Variants in DCDC2C observed in about 807,000 individuals in gnomAD.
The protein encoded by DCDC2C is doublecortin domain-containing protein 2C.
A neutral mutation model predicts 45.0 loss-of-function variants in DCDC2C; 44 were observed. The observed-to-expected ratio is 0.98, with a 90% CI of 0.77 to 1.26. The LOEUF (loss-of-function observed/expected upper bound fraction) is 1.26, where lower values mean the gene tolerates loss of function less well. Among genes scored for constraint, DCDC2C ranks in the 50% most tolerant of loss-of-function variants. The pLI, the probability that DCDC2C is intolerant of heterozygous loss-of-function variation, is 0.00. For missense variants in DCDC2C, 447 were observed against 468.9 expected, an observed-to-expected ratio of 0.95 and a Z score of 0.43; for synonymous variants, 187 against 178.8, an observed-to-expected ratio of 1.05 and a Z score of -0.37.
At chr2:3,825,948 A>G (rs893960960) in intron 10 of DCDC2C, among the ~76,000 whole-genome samples, 3 of 152,162 alleles carry the variant, frequency 2.0e-5, no homozygotes, top group Admixed American at 6.5e-5. Context: ...ACTCTTGTTT[A>G]TTGTTCAGAG....
chr2:3,844,925 C>T (rs1330053931), intron 10 of DCDC2C, among the ~76,000 whole-genome samples: 1 of 149,464 alleles, frequency 6.7e-6, no homozygotes, highest in Admixed American at 6.7e-5. Flanking sequence ...ACATGTTCTC[C>T]CTTTTTAAAA....
chr2:3,753,090 GTAT>G (rs1296042423), intron 5 of DCDC2C, among the ~76,000 whole-genome samples, 190 bp downstream of exon 5: 4 of 105,474 alleles, frequency 3.8e-5, no homozygotes, highest in African/African-American at 1.5e-4. Context: ...CTTGTATGAT[GTAT>G]TCACAAGGAC....
chr2:3,824,908 C>G (rs1435295512), intron 10 of DCDC2C, among the ~76,000 whole-genome samples: 1 of 152,116 alleles, frequency 6.6e-6, no homozygotes, highest in Non-Finnish European at 1.5e-5. Context: ...GAGGACCTAT[C>G]AAAATCTGGA....
intron 8 of DCDC2C, among the ~76,000 whole-genome samples, chr2:3,774,635 C>T (rs1670279698): frequency 6.6e-6 from 1 of 152,326 alleles, no homozygotes; most frequent in East Asian, 1.9e-4. Flanking sequence ...GTCTATGCCT[C>T]TCTTGTCCCT....
rs930281306 is a variant in DCDC2C at position 3,791,036 on chromosome 2, C to T, written c.1065+5936C>T. Among the ~76,000 whole-genome samples, 11 of 151,986 alleles carry T rather than the reference C, an allele frequency of 7.2e-5. No individual in the cohort carries two copies. In the East Asian group the frequency reaches 1.8e-3, roughly 24 times the overall value. ...GAGGCAGGAGAATGGCGTGAACCCG[C>T]GAGGCAGAGCTTGCAGGAGCCGAGA... is the stretch of plus-strand genomic sequence containing the variant. On this transcript the variant is annotated intron_variant, in intron 10 of 10. Coordinates refer to ENST00000399143, the MANE Select transcript of DCDC2C (RefSeq NM_001287444.2).
At chr2:3,733,302 C>T (rs1006664147) in intron 3 of DCDC2C, among the ~76,000 whole-genome samples, 4 of 152,138 alleles carry the variant, frequency 2.6e-5, no homozygotes, top group African/African-American at 9.7e-5. Context: ...GCTGCTTGGT[C>T]CAGCTAAAAG....
intron 10 of DCDC2C, among the ~76,000 whole-genome samples, chr2:3,814,938 C>G (rs941508242): frequency 1.3e-5 from 2 of 152,268 alleles, no homozygotes; most frequent in Non-Finnish European, 2.9e-5. Flanking sequence ...GATGGATACC[C>G]TTCTCCCACC....
chr2:3,749,345 A>C lies in DCDC2C; in HGVS notation c.546-3418A>C, dbSNP rs1669468967. ...TGATTTATGTGCATGATCTCATTTG[A>C]TATCCATATTCTGGCTATTCATTTC... On this transcript the variant is annotated intron_variant, in intron 4 of 10. Coordinates refer to ENST00000399143, the MANE Select transcript of DCDC2C (RefSeq NM_001287444.2). Among the ~76,000 whole-genome samples the C allele has an allele frequency of 2.0e-5, 3 of 152,206 alleles. No individual in the cohort carries two copies. The South Asian group carries it at 6.2e-4, about 31-fold the overall frequency.
intron 2 of DCDC2C, among the ~76,000 whole-genome samples, chr2:3,709,294 G>A (rs1330106346): frequency 6.6e-6 from 1 of 152,214 alleles, no homozygotes; most frequent in East Asian, 1.9e-4. Context: ...AAATGGAGAT[G>A]ATAATAGATA....
chr2:3,756,806 ATGT>A lies in DCDC2C; in HGVS notation c.726+2176_726+2178del, dbSNP rs575599148. On this transcript the variant is annotated intron_variant, in intron 6 of 10. Transcript: ENST00000399143. ...GCTTAGCCTGTCTGACTTCTTTCTCATGTTGTCCTTCTCTGGCTTTTGTTGCCA... is the reference window on the plus strand; with the variant it reads ...GCTTAGCCTGTCTGACTTCTTTCTCATGTCCTTCTCTGGCTTTTGTTGCCA... Among the ~76,000 whole-genome samples the A allele has an allele frequency of 7.3e-3, 1,109 of 152,252 alleles. 7 individuals carry two copies. Among genetic ancestry groups the A allele is most frequent in the South Asian group, 0.017 (82 of 4,818 alleles).
chr2:3,801,945 G>T (rs1296876991), intron 10 of DCDC2C, among the ~76,000 whole-genome samples: 1 of 152,212 alleles, frequency 6.6e-6, no homozygotes, highest in Non-Finnish European at 1.5e-5. Context: ...GGAAGGGGAG[G>T]CAGGAACTCT....
chr2:3,784,752 A>G (rs1426901424), intron 9 of DCDC2C, among the ~76,000 whole-genome samples: 2 of 152,084 alleles, frequency 1.3e-5, no homozygotes, highest in Admixed American at 6.6e-5. Context: ...ATATTAAGTG[A>G]AAAAAAATCA....
chr2:3,776,576 C>CTTCTCTTAG (rs1247409839), intron 8 of DCDC2C, among the ~76,000 whole-genome samples: 39 of 152,182 alleles, frequency 2.6e-4, no homozygotes, highest in Non-Finnish European at 4.4e-5. Context: ...TCCCTCTGGC[C>CTTCTCTTAG]GCTCGTTGTC....
intron 3 of DCDC2C, among the ~76,000 whole-genome samples, chr2:3,733,739 C>T (rs1254811883): frequency 3.3e-5 from 5 of 152,284 alleles, no homozygotes; most frequent in East Asian, 1.9e-4. Context: ...TAAGCCCCCT[C>T]GTGATTGAAT....
At chr2:3,706,796 T>C (rs1182206846) in intron 1 of DCDC2C, among the ~76,000 whole-genome samples, 2 of 152,230 alleles carry the variant, frequency 1.3e-5, no homozygotes, top group African/African-American at 4.8e-5. Context: ...GAAGTTGTGA[T>C]AGATGACAGG....
intron 3 of DCDC2C, among the ~76,000 whole-genome samples, chr2:3,737,318 A>G (rs1669058956): frequency 6.6e-6 from 1 of 152,182 alleles, no homozygotes; most frequent in South Asian, 2.1e-4. Flanking sequence ...CTTGAGAGCA[A>G]GCATTAGGCG....
At chr2:3,807,567 T>C (rs1671283947) in intron 10 of DCDC2C, among the ~76,000 whole-genome samples, 1 of 152,110 alleles carries the variant, frequency 6.6e-6, no homozygotes, top group Admixed American at 6.6e-5. Context: ...CATTTTATCT[T>C]CTTTTTAAAA....
chr2:3,830,285 G>A (rs769359703), intron 10 of DCDC2C, among the ~76,000 whole-genome samples: 2 of 152,030 alleles, frequency 1.3e-5, no homozygotes, highest in South Asian at 2.1e-4. Context: ...TGGAAATAAC[G>A]AGTGCTTTTA....
At position 3,752,812 on chromosome 2, in the gene DCDC2C, G is replaced by C. The variant is rs1290819810; in HGVS notation, c.595G>C (p.Asp199His). The change falls in exon 5 of 11, where the codon GAC becomes CAC. Residue 199 changes from aspartate (D) to histidine (H), a missense_variant. Asp to His is a moderately conservative substitution (Grantham distance 81). Coordinates refer to ENST00000399143, the MANE Select transcript of DCDC2C (RefSeq NM_001287444.2). ...TTTGGGCGACTCAAAGGATTTGCAA[G>C]ACAATCACTTTTATGTTGCTGTGGG... The part of the protein sequence containing the change: ...HLLGDSKDLQ[D>H]NHFYVAVGLE... The C allele has an allele frequency of 6.5e-7, 1 of 1,550,334 alleles. No homozygotes were observed. The highest frequency in any genetic ancestry group is 1.4e-5 in the African/African-American group (1 of 73,018).
Sources: allele counts gnomAD v4.1 joint callset (sites outside exome capture counted in the v4.1 genomes callset), GRCh38; gene constraint gnomAD v4.1.1; transcripts MANE v1.5; gene names NCBI Gene and HGNC (gene_info 2026-07-23, HGNC 2026-07-21).